LRBA: variants seen among roughly 807,000 people sequenced by gnomAD.
LRBA encodes the protein lipopolysaccharide-responsive and beige-like anchor protein.
LRBA carries 176 observed loss-of-function variants against 330.0 expected under a neutral mutation model. That is an observed-to-expected ratio of 0.53 (90% CI 0.47 to 0.60). The LOEUF is 0.60. LRBA is among the 20% of genes least tolerant of loss of function. The pLI, the probability that LRBA is intolerant of heterozygous loss-of-function variation, is 0.00. For synonymous variants in LRBA, 1,230 were observed against 1,193.0 expected (o/e 1.03, Z -0.64); for missense variants, 3,259 against 3,444.8 (o/e 0.95, Z 1.35).
chr4:150,660,460 C>A (rs1780903891), intron 37 of LRBA, among the ~76,000 whole-genome samples: 1 of 151,454 alleles, frequency 6.6e-6, no homozygotes, highest in African/African-American at 2.4e-5. Context: ...CGGCCAGCCG[C>A]CCCGTCCGGG....
At chr4:150,817,085 T>C (rs1035979238) in intron 31 of LRBA, 39 bp downstream of exon 31, 1 of 1,596,644 alleles carries the variant, frequency 6.3e-7, no homozygotes, top group Non-Finnish European at 8.6e-7. Flanking sequence ...AAATGAGATC[T>C]AAAAACATTT....
intron 2 of LRBA, among the ~76,000 whole-genome samples, chr4:150,995,498 A>C (rs1742528517): frequency 6.6e-6 from 1 of 152,134 alleles, no homozygotes; most frequent in Non-Finnish European, 1.5e-5. Context: ...ACTGAGGAAA[A>C]GAAACTGTAA....
chr4:150,928,791 A>T (rs1734150466), intron 3 of LRBA, 43 bp downstream of exon 3: 1 of 1,489,314 alleles, frequency 6.7e-7, no homozygotes, highest in African/African-American at 1.4e-5. Flanking sequence ...TGAAAATCAA[A>T]CTTTATTTCT....
chr4:150,643,531 G>A (rs79328623), intron 37 of LRBA, among the ~76,000 whole-genome samples: 3 of 151,860 alleles, frequency 2.0e-5, no homozygotes, highest in African/African-American at 7.2e-5. Context: ...CAAAAATGCT[G>A]CATGCATGAA....
chr4:150,625,995 T>C (rs992503215), intron 37 of LRBA, among the ~76,000 whole-genome samples: 2 of 151,816 alleles, frequency 1.3e-5, no homozygotes, highest in South Asian at 2.1e-4. Context: ...CTTGGCCGGA[T>C]ATATTTTTTT....
intron 40 of LRBA, among the ~76,000 whole-genome samples, chr4:150,525,825 T>A (rs1370913365): frequency 1.3e-5 from 2 of 152,172 alleles, no homozygotes; most frequent in Non-Finnish European, 2.9e-5. Context: ...AGGAAAGCCG[T>A]TACAGACATA....
chr4:150,867,015 C>T (rs1216453086), intron 22 of LRBA, among the ~76,000 whole-genome samples: 3 of 150,080 alleles, frequency 2.0e-5, no homozygotes, highest in South Asian at 2.1e-4. Flanking sequence ...AGAGGAGTAA[C>T]CCAATTTCAT....
chr4:150,622,967 G>T (rs1776460957), intron 37 of LRBA, among the ~76,000 whole-genome samples: 1 of 152,130 alleles, frequency 6.6e-6, no homozygotes, highest in Non-Finnish European at 1.5e-5. Flanking sequence ...AAAGTGTTGG[G>T]ATTACAGGCG....
At chr4:150,265,948 T>C (rs1280327131) in intron 56 of LRBA, 136 bp from the exon 57 acceptor site, 3 of 624,468 alleles carry the variant, frequency 4.8e-6, no homozygotes, top group Admixed American at 2.4e-5. Context: ...AACTAAGGTA[T>C]GTATTTCATG....
chr4:150,981,206 G>A (rs116666324), intron 2 of LRBA, among the ~76,000 whole-genome samples: 1 of 151,662 alleles, frequency 6.6e-6, no homozygotes, highest in Non-Finnish European at 1.5e-5. Context: ...AAGGTCCGAA[G>A]TTCGAGACCA....
intron 35 of LRBA, among the ~76,000 whole-genome samples, chr4:150,753,240 T>A (rs932316179): frequency 2.7e-4 from 41 of 152,212 alleles, no homozygotes; most frequent in African/African-American, 8.7e-4. Flanking sequence ...TTTAATTTCT[T>A]TATTGTCTAA....
chr4:150,755,204 C>T (rs1734130157), intron 35 of LRBA, among the ~76,000 whole-genome samples: 1 of 152,148 alleles, frequency 6.6e-6, no homozygotes, highest in African/African-American at 2.4e-5. Context: ...GACATGCAAT[C>T]TAAGTAGATG....
chr4:150,604,902 C>A (rs768054101), intron 37 of LRBA, among the ~76,000 whole-genome samples: 2 of 152,124 alleles, frequency 1.3e-5, no homozygotes, highest in African/African-American at 4.8e-5. Flanking sequence ...AGAACAAAGC[C>A]CTTCAGACAC....
At chr4:150,384,093 G>A (rs1261320823) in intron 47 of LRBA, among the ~76,000 whole-genome samples, 1 of 151,856 alleles carries the variant, frequency 6.6e-6, no homozygotes, top group African/African-American at 2.4e-5. Flanking sequence ...AGGCTGGAGT[G>A]CAATGTGCGA....
intron 2 of LRBA, among the ~76,000 whole-genome samples, chr4:151,011,261 A>T (rs1257898314): frequency 6.6e-6 from 1 of 151,994 alleles, no homozygotes; most frequent in African/African-American, 2.4e-5. Context: ...TCTGGAGGAG[A>T]GGAACTTGTT....
At chr4:150,535,445 C>G (rs182744553) in intron 40 of LRBA, among the ~76,000 whole-genome samples, 4 of 152,314 alleles carry the variant, frequency 2.6e-5, no homozygotes, top group African/African-American at 9.6e-5. Flanking sequence ...ACCTACTATT[C>G]TGTTTAATTG....
chr4:150,942,912 T>C (rs193157494), intron 2 of LRBA, among the ~76,000 whole-genome samples: 163 of 152,312 alleles, frequency 1.1e-3, no homozygotes, highest in Admixed American at 2.2e-3. Flanking sequence ...TTTGAAAAAT[T>C]TGTGAACTTT....
chr4:150,496,277 T>C (rs904792434), intron 40 of LRBA, among the ~76,000 whole-genome samples: 6 of 152,122 alleles, frequency 3.9e-5, no homozygotes, highest in Non-Finnish European at 8.8e-5. Flanking sequence ...CATTTTTTAC[T>C]TTCCCTTTAC....
intron 44 of LRBA, among the ~76,000 whole-genome samples, chr4:150,453,996 C>G (rs921802210): frequency 6.6e-6 from 1 of 151,946 alleles, no homozygotes; most frequent in Non-Finnish European, 1.5e-5. Flanking sequence ...CAGAGTCTCA[C>G]TGTTACCGAG....
Sources: allele counts gnomAD v4.1 joint callset (sites outside exome capture counted in the v4.1 genomes callset), GRCh38; gene constraint gnomAD v4.1.1; transcripts MANE v1.5; gene names NCBI Gene and HGNC (gene_info 2026-07-23, HGNC 2026-07-21).